SPTBN4: variants seen among roughly 807,000 people sequenced by gnomAD.
SPTBN4 encodes spectrin beta, non-erythrocytic 4.
A neutral mutation model predicts 277.8 loss-of-function variants in SPTBN4; 96 were observed. The observed-to-expected ratio is 0.35, with a 90% CI of 0.29 to 0.41. The LOEUF (loss-of-function observed/expected upper bound fraction) is 0.41, where lower values mean the gene tolerates loss of function less well. Ranked by LOEUF, SPTBN4 falls within the 10% of genes least tolerant of loss-of-function variation. The probability of loss-of-function intolerance (pLI) is 1.00; values close to 1 mark genes in which losing one functional copy is unlikely to be tolerated. For missense variants in SPTBN4, 3,006 were observed against 3,595.7 expected (o/e 0.84, Z 4.19); for synonymous variants, 1,481 against 1,580.3 (o/e 0.94, Z 1.49).
intron 4 of SPTBN4, among the ~76,000 whole-genome samples, chr19:40,492,632 C>A (rs919426477): frequency 6.6e-6 from 1 of 152,162 alleles, no homozygotes; most frequent in African/African-American, 2.4e-5. Context: ...GGAGAACACA[C>A]TGTGGATGCA....
At chr19:40,522,006 G>A (rs2080532206) in intron 16 of SPTBN4, among the ~76,000 whole-genome samples, 1 of 151,982 alleles carries the variant, frequency 6.6e-6, no homozygotes, top group Admixed American at 6.6e-5. Flanking sequence ...GAACTTCCTT[G>A]AGTTCACACA....
chr19:40,479,476 T>C (rs1248520106), intron 2 of SPTBN4, among the ~76,000 whole-genome samples: 1 of 151,898 alleles, frequency 6.6e-6, no homozygotes, highest in Non-Finnish European at 1.5e-5. Flanking sequence ...ATTGTTTTGT[T>C]TTGTTTTTTA....
At position 40,490,666 on chromosome 19, in the gene SPTBN4, G is replaced by A. The variant is rs1295531852; in HGVS notation, c.495+418G>A. Among the ~76,000 whole-genome samples the A allele has an allele frequency of 3.3e-5, 5 of 152,136 alleles. No individual in the cohort carries two copies. The highest frequency in any genetic ancestry group is 1.3e-4 in the Admixed American group (2 of 15,270). ...ATAGACAAAGGTGTGCCTTTTAGGA[G>A]CTTACATTGTGGTGAGGAAGACAGA... is the stretch of plus-strand genomic sequence containing the variant. On this transcript the variant is annotated intron_variant, in intron 4 of 35. Coordinates refer to ENST00000598249, the MANE Select transcript of SPTBN4 (RefSeq NM_020971.3). The surrounding 1 kb of genome is among the most constrained non-coding windows in gnomAD (Gnocchi z 4.3).
chr19:40,504,148 CGGGGATG>C lies in SPTBN4; in HGVS notation c.1665+17_1665+23del. The C allele has an allele frequency of 1.5e-6, 1 of 645,754 alleles. No homozygotes were observed. 40.0% of individuals were successfully genotyped at this position (645,754 alleles called of 1,614,324 possible). On this transcript the variant is annotated intron_variant, in intron 12 of 35. Transcript: ENST00000598249. ...GGAGATGCAGGTGCCGGCGGGGGGG[CGGGGATG>C]CGGGTGGAGTGCCAGGAGGGAGGGG...
Position 40,484,931 on chromosome 19 carries a change from C to CA in SPTBN4, c.170-2756dup, listed in dbSNP as rs911074249. Among the ~76,000 whole-genome samples, 163 of 131,724 alleles carry CA rather than the reference C, an allele frequency of 1.2e-3. 2 individuals carry two copies. In the East Asian group the frequency reaches 0.019, roughly 15 times the overall value. 86.4% of individuals were successfully genotyped at this position (131,724 alleles called of 152,430 possible). On this transcript the variant is annotated intron_variant, in intron 2 of 35. Coordinates refer to ENST00000598249, the MANE Select transcript of SPTBN4 (RefSeq NM_020971.3). ...TGGGCGATAGAGTGAGACTCCGTCT[C>CA]AAAAAAAAAACAAAACAAAAACCAA...
chr19:40,506,109 A>ATC, intron 12 of SPTBN4, 127 bp from the exon 13 acceptor site: 1 of 1,290,120 alleles, frequency 7.8e-7, no homozygotes, highest in East Asian at 2.4e-5. Flanking sequence ...GCTGGTCCAT[A>ATC]TCTCTCCAAG....
At chr19:40,523,064 G>T (rs1328245498) in intron 16 of SPTBN4, among the ~76,000 whole-genome samples, 1 of 152,152 alleles carries the variant, frequency 6.6e-6, no homozygotes, top group Non-Finnish European at 1.5e-5. Flanking sequence ...AACCCAGGAG[G>T]TGGAGGTTGC....
intron 18 of SPTBN4, 67 bp downstream of exon 18, chr19:40,529,198 C>G (rs1333028061): frequency 4.0e-5 from 52 of 1,312,816 alleles, no homozygotes; most frequent in Non-Finnish European, 5.0e-5. Context: ...GCTTCTCGGC[C>G]GAGGTGGGGG....
Position 40,549,418 on chromosome 19 carries a change from G to A in SPTBN4, c.4584+5G>A, listed in dbSNP as rs1310554374. ...CACGACCTGGACGACGAGCTGGTGA[G>A]GCCAGCGCAGGGGCCTGGGGCGGGG... On this transcript the variant is annotated splice_donor_5th_base_variant and intron_variant, in intron 21 of 35. Coordinates refer to ENST00000598249, the MANE Select transcript of SPTBN4 (RefSeq NM_020971.3). The A allele has an allele frequency of 1.4e-6, 2 of 1,445,872 alleles. No individual in the cohort carries two copies. Among genetic ancestry groups the A allele is most frequent in the Non-Finnish European group, 9.1e-7 (1 of 1,101,834 alleles). 89.6% of individuals were successfully genotyped at this position (1,445,872 alleles called of 1,614,324 possible).
chr19:40,519,786 C>T lies in SPTBN4; in HGVS notation c.3289C>T (p.Leu1097Phe). The T allele has an allele frequency of 7.0e-7, 1 of 1,432,544 alleles. No individual in the cohort carries two copies. 88.7% of individuals were successfully genotyped at this position (1,432,544 alleles called of 1,614,324 possible). ...GCGCCTGCAGCGCTTCCTACATGAC[C>T]TCGACGCTTTCCTGGACTGGCTCGT... ...AGRLQRFLHD[L>F]DAFLDWLVRA... is the part of the protein sequence containing the mutation. Residue 1097 changes from leucine (L) to phenylalanine (F), a missense_variant, in exon 16 of 36, where the codon CTC becomes TTC. Physicochemically the swap from Leu to Phe is conservative, Grantham distance 22. Transcript: ENST00000598249. The surrounding 1 kb of genome is among the most constrained non-coding windows in gnomAD (Gnocchi z 5.7).
chr19:40,515,872 GCACACACACA>G lies in SPTBN4; in HGVS notation c.2903+443_2903+452del, dbSNP rs528135288. On this transcript the variant is annotated intron_variant, in intron 15 of 35. Coordinates refer to ENST00000598249, the MANE Select transcript of SPTBN4 (RefSeq NM_020971.3). This position sits in a 1 kb window ranked among gnomAD's most constrained non-coding sequence, Gnocchi z 4.1. ...ACCCCGTCTCTCTCTCTACGTGCGCGCACACACACACACACACACACACACACAAAATATA... is the reference window on the plus strand; with the variant it reads ...ACCCCGTCTCTCTCTCTACGTGCGCGCACACACACACACACACAAAATATA... Among the ~76,000 whole-genome samples the G allele has an allele frequency of 7.3e-6, 1 of 136,064 alleles. No homozygotes were observed. The highest frequency in any genetic ancestry group is 1.6e-5 in the Non-Finnish European group (1 of 64,090). 89.3% of individuals were successfully genotyped at this position (136,064 alleles called of 152,430 possible).
chr19:40,530,250 C>A (rs1038796636), intron 18 of SPTBN4, among the ~76,000 whole-genome samples: 3 of 152,124 alleles, frequency 2.0e-5, no homozygotes, highest in Non-Finnish European at 4.4e-5. Flanking sequence ...GCGCTCCCTC[C>A]CGGCATTAGA....
Position 40,502,059 on chromosome 19 carries a change from G to A in SPTBN4, c.897+26G>A. 6.2e-7 allele frequency: 1 copy of A among 1,613,972 alleles called. No individual in the cohort carries two copies. The highest frequency in any genetic ancestry group is 8.5e-7 in the Non-Finnish European group (1 of 1,179,994). On this transcript the variant is annotated intron_variant, in intron 8 of 35. Transcript: ENST00000598249. This position sits in a 1 kb window ranked among gnomAD's most constrained non-coding sequence, Gnocchi z 4.9. Reference sequence around the variant, plus strand: ...GTATAAGGAGCCAAGGAGTGGGTGAGTGGGAAGCTGGAAGCTGGTGGCAGG... The same window carrying A: ...GTATAAGGAGCCAAGGAGTGGGTGAATGGGAAGCTGGAAGCTGGTGGCAGG...
chr19:40,506,208 G>T, intron 12 of SPTBN4, 28 bp from the exon 13 acceptor site: 1 of 1,593,200 alleles, frequency 6.3e-7, no homozygotes, highest in East Asian at 2.2e-5. Flanking sequence ...AGTGCCAGAG[G>T]TGTGCTCAGT....
intron 20 of SPTBN4, among the ~76,000 whole-genome samples, chr19:40,537,534 C>T (rs1379722642): frequency 6.6e-6 from 1 of 152,172 alleles, no homozygotes; most frequent in Non-Finnish European, 1.5e-5. Context: ...CCAGGGGTTC[C>T]TTGGCCACAG....
chr19:40,477,669 G>A (rs1157076494), intron 2 of SPTBN4, among the ~76,000 whole-genome samples: 1 of 152,166 alleles, frequency 6.6e-6, no homozygotes, highest in African/African-American at 2.4e-5. Context: ...AGAAGGAGAG[G>A]CCTAACTTCA....
intron 13 of SPTBN4, among the ~76,000 whole-genome samples, chr19:40,508,795 G>A (rs997238996): frequency 6.6e-6 from 1 of 152,104 alleles, no homozygotes; most frequent in Non-Finnish European, 1.5e-5. Flanking sequence ...TGGATTGGAT[G>A]CTGTCAGAAT....
chr19:40,558,370 A>G (rs1402838917), intron 26 of SPTBN4, among the ~76,000 whole-genome samples: 2 of 151,286 alleles, frequency 1.3e-5, no homozygotes, highest in Non-Finnish European at 2.9e-5. Flanking sequence ...AAAAAAAAAG[A>G]ACTTAGATAA....
intron 2 of SPTBN4, among the ~76,000 whole-genome samples, chr19:40,473,374 T>TTTTG (rs2079909466): frequency 6.8e-6 from 1 of 146,770 alleles, no homozygotes; most frequent in Non-Finnish European, 1.5e-5. Context: ...TTTTTTTTTT[T>TTTTG]GAGACGGAGT....
Sources: gnomAD v4.1 joint callset for allele counts (sites outside exome capture counted in the v4.1 genomes callset) on GRCh38, gnomAD v4.1.1 for gene constraint, Gnocchi (gnomAD v3.1) non-coding constraint, MANE v1.5 for transcripts, NCBI Gene and HGNC (gene_info 2026-07-23, HGNC 2026-07-21) for gene names.